Variants in ROBO2 observed in about 807,000 individuals in gnomAD.
The protein encoded by ROBO2 is roundabout guidance receptor 2.
In ROBO2, 53 loss-of-function variants were observed where a neutral mutation model predicts 160.8. The observed-to-expected ratio is 0.33, with a 90% confidence interval of 0.26 to 0.41. The LOEUF (loss-of-function observed/expected upper bound fraction) is 0.41. ROBO2 is among the 10% of genes least tolerant of loss of function. The pLI is 1.00. For synonymous variants in ROBO2, 664 were observed against 611.7 expected, an observed-to-expected ratio of 1.09 and a Z score of -1.26; for missense variants, 1,577 against 1,722.4, an observed-to-expected ratio of 0.92 and a Z score of 1.49.
intron 2 of ROBO2, among the ~76,000 whole-genome samples, chr3:76,252,999 C>A (rs1451630683): frequency 6.6e-6 from 1 of 151,932 alleles, no homozygotes; most frequent in African/African-American, 2.4e-5. Flanking sequence ...AAGGCCCCCC[C>A]ACATTATCAA....
At chr3:76,224,414 A>G (rs1419348941) in intron 2 of ROBO2, among the ~76,000 whole-genome samples, 3 of 152,176 alleles carry the variant, frequency 2.0e-5, no homozygotes, top group Non-Finnish European at 4.4e-5. Context: ...GGGTAGGAGG[A>G]GATAGCTGTC....
intron 2 of ROBO2, among the ~76,000 whole-genome samples, chr3:76,430,893 T>A (rs1484880509): frequency 2.0e-5 from 3 of 152,020 alleles, no homozygotes; most frequent in Non-Finnish European, 4.4e-5. Context: ...TTAAAATATT[T>A]CAATTATTTA....
chr3:76,817,147 C>T (rs1034136634), intron 2 of ROBO2, among the ~76,000 whole-genome samples: 16 of 151,950 alleles, frequency 1.1e-4, no homozygotes, highest in South Asian at 2.1e-4. Context: ...CAAACCACCA[C>T]GGCACATGTA....
intron 2 of ROBO2, among the ~76,000 whole-genome samples, chr3:76,396,370 T>C (rs2077448547): frequency 6.6e-6 from 1 of 152,162 alleles, no homozygotes; most frequent in African/African-American, 2.4e-5. Flanking sequence ...AATATCATAC[T>C]GAATGGGCAA....
intron 2 of ROBO2, among the ~76,000 whole-genome samples, chr3:76,008,379 G>C (rs2066092122): frequency 6.6e-6 from 1 of 152,018 alleles, no homozygotes; most frequent in Admixed American, 6.6e-5. Context: ...ACAGTGATCT[G>C]GATGATGTCT....
chr3:76,417,361 G>T (rs2075798066), intron 2 of ROBO2, among the ~76,000 whole-genome samples: 1 of 152,168 alleles, frequency 6.6e-6, no homozygotes, highest in African/African-American at 2.4e-5. Context: ...AGGACATCAT[G>T]TTATCATTCT....
intron 2 of ROBO2, among the ~76,000 whole-genome samples, chr3:77,031,101 G>C (rs2063293899): frequency 6.6e-6 from 1 of 152,150 alleles, no homozygotes; most frequent in Non-Finnish European, 1.5e-5. Context: ...TAGTTTGGTA[G>C]TGAAGATATA....
chr3:77,355,866 C>A (rs2069041487), intron 2 of ROBO2, among the ~76,000 whole-genome samples: 1 of 149,812 alleles, frequency 6.7e-6, no homozygotes, highest in African/African-American at 2.5e-5. Context: ...CATATATAAC[C>A]AAGTATTGAT....
rs563506615 is a variant in ROBO2, at chr3:76,575,871, A to G, written c.110-522143A>G. Among the ~76,000 whole-genome samples, 8 of 152,094 alleles carry G rather than the reference A, an allele frequency of 5.3e-5. No homozygotes were observed. In the South Asian group the frequency reaches 1.7e-3, roughly 32 times the overall value. On this transcript the variant is annotated intron_variant, in intron 2 of 26. Coordinates refer to the ROBO2 transcript ENST00000487694. ...TTAGATTTGTGGAGAGAGAGAGAGG[A>G]TTTTAGTGACTGCCTCTCATTTTGC...
intron 16 of ROBO2, among the ~76,000 whole-genome samples, chr3:77,583,150 TCCAA>T (rs1391265698): frequency 5.4e-5 from 3 of 55,470 alleles, no homozygotes; most frequent in Non-Finnish European, 6.5e-5. Context: ...ACTCTGTCTC[TCCAA>T]AAAAAAAAAA....
At chr3:76,187,425 C>A (rs1701817204) in intron 2 of ROBO2, among the ~76,000 whole-genome samples, 1 of 147,728 alleles carries the variant, frequency 6.8e-6, no homozygotes, top group Non-Finnish European at 1.5e-5. Flanking sequence ...CAGGTGTGCA[C>A]CACCACACCC....
intron 2 of ROBO2, among the ~76,000 whole-genome samples, chr3:77,276,046 A>G (rs761510937): frequency 1.3e-5 from 2 of 152,116 alleles, no homozygotes; most frequent in African/African-American, 4.8e-5. Context: ...TGTATGTGTT[A>G]TGTAGCTTGG....
intron 2 of ROBO2, among the ~76,000 whole-genome samples, chr3:77,215,056 T>C (rs1451321028): frequency 2.0e-5 from 3 of 152,200 alleles, no homozygotes; most frequent in Non-Finnish European, 4.4e-5. Flanking sequence ...CAATTATGTG[T>C]CTTGGAGTTG....
chr3:76,612,459 C>G (rs1001124816), intron 2 of ROBO2, among the ~76,000 whole-genome samples: 13 of 152,022 alleles, frequency 8.6e-5, no homozygotes, highest in African/African-American at 2.9e-4. Context: ...AACAGAAAAC[C>G]AAACACCACA....
At chr3:77,079,154 T>A (rs959182307) in intron 1 of ROBO2, among the ~76,000 whole-genome samples, 1 of 151,956 alleles carries the variant, frequency 6.6e-6, no homozygotes, top group African/African-American at 2.4e-5. Context: ...ACCTTGTTGG[T>A]CAGGCTGGTC....
At chr3:76,905,720 G>T (rs2075557777) in intron 2 of ROBO2, among the ~76,000 whole-genome samples, 1 of 152,088 alleles carries the variant, frequency 6.6e-6, no homozygotes, top group African/African-American at 2.4e-5. Context: ...AGAATCTTTT[G>T]TTGTAGTTTT....
At chr3:77,014,526 C>G (rs768229825) in intron 2 of ROBO2, among the ~76,000 whole-genome samples, 2 of 152,188 alleles carry the variant, frequency 1.3e-5, no homozygotes, top group Admixed American at 6.6e-5. Context: ...CACTCACTTT[C>G]TAAGATGCAA....
chr3:75,921,565 A>C (rs1947055139), intron 1 of ROBO2, among the ~76,000 whole-genome samples: 1 of 152,110 alleles, frequency 6.6e-6, no homozygotes, highest in Non-Finnish European at 1.5e-5. Flanking sequence ...AATCAGAATC[A>C]GGTCAGAATC....
At chr3:77,528,903 TATTTGTAGGG>T (rs2091413945) in intron 6 of ROBO2, among the ~76,000 whole-genome samples, 1 of 151,622 alleles carries the variant, frequency 6.6e-6, no homozygotes. Context: ...TATTTTCTTG[TATTTGTAGGG>T]ATTCCTGTTA....
Sources: allele counts gnomAD v4.1 joint callset (sites outside exome capture counted in the v4.1 genomes callset), GRCh38; gene constraint gnomAD v4.1.1; transcripts MANE v1.5; gene names NCBI Gene and HGNC (gene_info 2026-07-23, HGNC 2026-07-21).